SFMBT1: variants seen among roughly 807,000 people sequenced by gnomAD.
SFMBT1 encodes the protein scm-like with four MBT domains protein 1.
Under a neutral mutation model 108.7 loss-of-function variants are expected in SFMBT1, and 32 were observed. That is an observed-to-expected ratio of 0.29 (90% CI 0.22 to 0.40). SFMBT1 has a LOEUF of 0.40. Among genes scored for constraint, SFMBT1 ranks in the 10% least tolerant of loss-of-function variants. The pLI is 1.00. For synonymous variants in SFMBT1, 348 were observed against 369.5 expected (o/e 0.94, Z 0.67); for missense variants, 816 against 1,059.6 (o/e 0.77, Z 3.19).
chr3:52,951,914 C>T (rs1196427601), intron 3 of SFMBT1, among the ~76,000 whole-genome samples: 1 of 152,150 alleles, frequency 6.6e-6, no homozygotes, highest in Non-Finnish European at 1.5e-5. Context: ...TATGGCCAGA[C>T]TTTGAGGGGC....
chr3:53,030,539 C>T (rs1315329859), intron 1 of SFMBT1, among the ~76,000 whole-genome samples: 1 of 151,968 alleles, frequency 6.6e-6, no homozygotes, highest in Non-Finnish European at 1.5e-5. Flanking sequence ...TAAAAGCAAT[C>T]TCATTTTTCT....
intron 3 of SFMBT1, among the ~76,000 whole-genome samples, chr3:52,943,874 A>G (rs1283502867): frequency 1.3e-5 from 2 of 152,244 alleles, no homozygotes; most frequent in Non-Finnish European, 2.9e-5. Context: ...ATAAATTACT[A>G]GTCACCATTT....
At chr3:52,905,332 T>A (rs998872913) in intron 20 of SFMBT1, 56 bp from the exon 21 acceptor site, 63 of 1,562,128 alleles carry the variant, frequency 4.0e-5, no homozygotes, top group Non-Finnish European at 5.1e-5. Context: ...GGCAGCTTGA[T>A]CATGACAGCC....
intron 4 of SFMBT1, among the ~76,000 whole-genome samples, chr3:52,939,620 A>G (rs1225078183): frequency 6.6e-6 from 1 of 152,092 alleles, no homozygotes; most frequent in Non-Finnish European, 1.5e-5. Context: ...AGTTTATAGT[A>G]TTTTATTGTT....
chr3:52,950,390 T>C (rs951805585), intron 3 of SFMBT1, among the ~76,000 whole-genome samples: 17 of 152,228 alleles, frequency 1.1e-4, no homozygotes, highest in Admixed American at 1.0e-3. Context: ...CCCTGTATCA[T>C]TGCTACCATT....
At chr3:52,941,593 CAAAAA>C (rs145581859) in intron 4 of SFMBT1, among the ~76,000 whole-genome samples, 16 of 64,058 alleles carry the variant, frequency 2.5e-4, no homozygotes, top group South Asian at 1.1e-3. Flanking sequence ...GACTCTGTTT[CAAAAA>C]AAAAAAAAAA....
intron 1 of SFMBT1, among the ~76,000 whole-genome samples, chr3:52,975,405 T>C (rs1464732889): frequency 6.6e-6 from 1 of 151,952 alleles, no homozygotes; most frequent in African/African-American, 2.4e-5. Flanking sequence ...AGAATGCACC[T>C]AAGCTGGGCA....
intron 2 of SFMBT1, among the ~76,000 whole-genome samples, chr3:52,957,600 A>C (rs1483864031): frequency 6.6e-6 from 1 of 152,238 alleles, no homozygotes; most frequent in Non-Finnish European, 1.5e-5. Flanking sequence ...ATACTTGTAC[A>C]AAAACAGACA....
chr3:53,043,514 C>A (rs1700120680), intron 1 of SFMBT1, among the ~76,000 whole-genome samples: 1 of 152,172 alleles, frequency 6.6e-6, no homozygotes. Context: ...AAATTCTAGG[C>A]ATTAAGAAAC....
intron 1 of SFMBT1, among the ~76,000 whole-genome samples, chr3:53,027,833 C>T (rs1257917334): frequency 6.6e-6 from 1 of 152,192 alleles, no homozygotes; most frequent in African/African-American, 2.4e-5. Flanking sequence ...TTGTTTCTTC[C>T]CCCTGTTCTT....
rs769846454 is a variant in SFMBT1, at chr3:52,928,258, G to A, written c.981C>T (p.Ala327=). The part of the protein sequence containing the change: ...NHARRSFVCH[A]DSPGIFPVQW... ...GCACAGGGAAGATGCCAGGACTGTC[G>A]GCGTGGCACACAAAGGATCGCCGTG... Residue 327 remains alanine, a synonymous_variant, in exon 9 of 21, where the codon GCC becomes GCT. Coordinates refer to ENST00000394752, the MANE Select transcript of SFMBT1 (RefSeq NM_016329.4). The A allele has an allele frequency of 1.7e-5, 28 of 1,613,980 alleles. No homozygotes were observed. Among genetic ancestry groups the A allele is most frequent in the African/African-American group, 6.7e-5 (5 of 74,910 alleles).
intron 4 of SFMBT1, among the ~76,000 whole-genome samples, chr3:52,935,563 A>C (rs1025133683): frequency 6.6e-6 from 1 of 152,220 alleles, no homozygotes; most frequent in African/African-American, 2.4e-5. Context: ...TTAGAAGACA[A>C]TTCCAGATAG....
chr3:52,913,218 AGTTCTCTTCT>A (rs1702257732), intron 15 of SFMBT1, among the ~76,000 whole-genome samples: 1 of 152,210 alleles, frequency 6.6e-6, no homozygotes, highest in Non-Finnish European at 1.5e-5. Context: ...ACTTTTGTAT[AGTTCTCTTCT>A]GGTCTCTGAC....
At chr3:53,008,003 A>C (rs1698804648) in intron 1 of SFMBT1, among the ~76,000 whole-genome samples, 1 of 152,234 alleles carries the variant, frequency 6.6e-6, no homozygotes, top group African/African-American at 2.4e-5. Flanking sequence ...AAGGCTGAGA[A>C]AGACTTGGCA....
In SFMBT1 at chr3:52,999,597, C is replaced by CAGG. The variant is rs572457191; in HGVS notation, c.-130-30342_-130-30340dup. Among the ~76,000 whole-genome samples the CAGG allele has an allele frequency of 9.3e-5, 14 of 150,428 alleles. 1 individual carries two copies. The East Asian group carries it at 2.5e-3, about 27-fold the overall frequency. On this transcript the variant is annotated intron_variant, in intron 1 of 20. Transcript: ENST00000394752. The stretch of plus-strand genomic sequence containing the variant: ...TGCTATGTTCAAACGCTCCAGAAGA[C>CAGG]AGGAGTTCGTGTCCTTGCCCCTAAC...
chr3:52,966,485 C>T lies in SFMBT1; in HGVS notation c.28+2616G>A, dbSNP rs562530977. ...CTAAAAATACAAAAAGTTAGCCAAG[C>T]GTGGTGGTGGGCGCCTGTAGTCCCA... On this transcript the variant is annotated intron_variant, in intron 2 of 20. Transcript: ENST00000394752. Among the ~76,000 whole-genome samples, 15 of 150,330 alleles carry T rather than the reference C, an allele frequency of 1.0e-4. No individual in the cohort carries two copies. The East Asian group carries it at 2.2e-3, about 22-fold the overall frequency.
intron 5 of SFMBT1, among the ~76,000 whole-genome samples, chr3:52,933,522 G>C (rs1702920073): frequency 6.6e-6 from 1 of 152,034 alleles, no homozygotes; most frequent in Non-Finnish European, 1.5e-5. Context: ...ATATGCAAAG[G>C]GACATATGAA....
intron 17 of SFMBT1, among the ~76,000 whole-genome samples, chr3:52,908,091 T>C (rs1702118819): frequency 1.3e-5 from 2 of 150,634 alleles, no homozygotes; most frequent in Non-Finnish European, 3.0e-5. Context: ...TTTTTTTTTT[T>C]TGAGATGGAG....
rs528310385 is a variant in SFMBT1, at chr3:52,929,998, T to C, written c.897+331A>G. 3.3e-5 allele frequency among the ~76,000 whole-genome samples: 5 copies of C among 152,324 alleles called. No individual in the cohort carries two copies. In the East Asian group the frequency reaches 5.8e-4, roughly 18 times the overall value. On this transcript the variant is annotated intron_variant, in intron 8 of 20. Transcript: ENST00000394752. ...GCATCTGGTTAGACGTTGATGAGAC[T>C]GCCTGCCTCCAACTTTACAGATACC...
Sources: gnomAD v4.1 joint callset for allele counts (sites outside exome capture counted in the v4.1 genomes callset) on GRCh38, gnomAD v4.1.1 for gene constraint, MANE v1.5 for transcripts, NCBI Gene and HGNC (gene_info 2026-07-23, HGNC 2026-07-21) for gene names.